SYT1: variants seen among roughly 807,000 people sequenced by gnomAD.
The protein encoded by SYT1 is synaptotagmin-1.
A neutral mutation model predicts 44.8 loss-of-function variants in SYT1; 8 were observed. That is an observed-to-expected ratio of 0.18 (90% confidence interval 0.10 to 0.32). SYT1 has a LOEUF of 0.32. Among genes scored for constraint, SYT1 ranks in the 10% least tolerant of loss-of-function variants. SYT1 has a pLI of 1.00. For missense variants in SYT1, 286 were observed against 509.3 expected (o/e 0.56, Z 4.22); for synonymous variants, 154 against 188.8 (o/e 0.82, Z 1.51).
In SYT1 at chr12:78,971,055, T is replaced by C. The variant is rs549072754; in HGVS notation, c.-216-6744T>C. Among the ~76,000 whole-genome samples the C allele has an allele frequency of 5.3e-5, 8 of 152,280 alleles. No individual in the cohort carries two copies. In the East Asian group the frequency reaches 1.5e-3, roughly 29 times the overall value. On this transcript the variant is annotated intron_variant, in intron 1 of 10. Coordinates refer to ENST00000261205, the MANE Select transcript of SYT1 (RefSeq NM_005639.3). ...GATGCATGCCTGTGATCCTAGCTAC[T>C]CAGGAGGCTGAGGCAGGAGAATTGC...
intron 4 of SYT1, among the ~76,000 whole-genome samples, chr12:79,276,686 C>CA (rs924659845): frequency 2.8e-5 from 4 of 145,170 alleles, no homozygotes; most frequent in South Asian, 2.2e-4. Context: ...AAAAAAAAAA[C>CA]AAAAAAACCA....
intron 1 of SYT1, among the ~76,000 whole-genome samples, chr12:78,956,354 A>C (rs117981762): frequency 6.6e-6 from 1 of 151,528 alleles, no homozygotes; most frequent in Non-Finnish European, 1.5e-5. Flanking sequence ...TTTTTTTTCC[A>C]TGATGGGCAA....
intron 2 of SYT1, among the ~76,000 whole-genome samples, chr12:79,015,075 A>G (rs1871714162): frequency 6.6e-6 from 1 of 150,598 alleles, no homozygotes; most frequent in Non-Finnish European, 1.5e-5. Context: ...GTGGGGGGAG[A>G]GGGGAGGGAT....
chr12:78,962,391 G>A (rs900915638), intron 1 of SYT1, among the ~76,000 whole-genome samples: 1 of 141,980 alleles, frequency 7.0e-6, no homozygotes, highest in East Asian at 2.1e-4. Context: ...CGTGGGTCAC[G>A]TACCTTTGCT....
At chr12:78,962,262 A>G (rs1160013952) in intron 1 of SYT1, among the ~76,000 whole-genome samples, 1 of 152,152 alleles carries the variant, frequency 6.6e-6, no homozygotes, top group Non-Finnish European at 1.5e-5. Flanking sequence ...ACAAACGTTA[A>G]ATAACTTAAT....
intron 3 of SYT1, among the ~76,000 whole-genome samples, chr12:79,068,376 A>G: frequency 6.6e-6 from 1 of 152,128 alleles, no homozygotes; most frequent in Non-Finnish European, 1.5e-5. Flanking sequence ...TAAATACTTG[A>G]AAACGGTATC....
intron 1 of SYT1, among the ~76,000 whole-genome samples, chr12:78,879,507 C>T (rs1223231868): frequency 1.3e-5 from 2 of 151,742 alleles, no homozygotes; most frequent in Non-Finnish European, 2.9e-5. Flanking sequence ...CATATGTAGT[C>T]CTTCCCTAGT....
At position 79,353,637 on chromosome 12, in the gene SYT1, ATTGATTTTTTT is replaced by A; in HGVS notation, c.928+19_928+29del. 6.3e-7 allele frequency: 1 copy of A among 1,591,936 alleles called. No individual in the cohort carries two copies. Among genetic ancestry groups the A allele is most frequent in the Non-Finnish European group, 8.6e-7 (1 of 1,160,006 alleles). On this transcript the variant is annotated intron_variant, in intron 9 of 10. Coordinates refer to ENST00000261205, the MANE Select transcript of SYT1 (RefSeq NM_005639.3). ...CTTATCCGGTAAGCCTGCAGTGTTT[ATTGATTTTTTT>A]CAAATGCTGTTTCGTCGTGGATACC...
intron 3 of SYT1, among the ~76,000 whole-genome samples, chr12:79,078,044 T>A (rs1876776202): frequency 6.6e-6 from 1 of 152,188 alleles, no homozygotes; most frequent in African/African-American, 2.4e-5. Flanking sequence ...TTTTGGTGTT[T>A]AAAACTTGTT....
chr12:79,334,454 A>G (rs1291848848), intron 8 of SYT1, among the ~76,000 whole-genome samples: 2 of 152,120 alleles, frequency 1.3e-5, no homozygotes, highest in African/African-American at 4.8e-5. Context: ...CCAAACTTGA[A>G]CGAGAATGGT....
At chr12:78,921,596 G>A (rs1468498305) in intron 1 of SYT1, among the ~76,000 whole-genome samples, 3 of 151,878 alleles carry the variant, frequency 2.0e-5, no homozygotes, top group South Asian at 2.1e-4. Flanking sequence ...CTAATGCTCA[G>A]GGTGGATAGA....
chr12:79,373,062 T>C (rs1227224601), intron 9 of SYT1, among the ~76,000 whole-genome samples: 1 of 152,216 alleles, frequency 6.6e-6, no homozygotes, highest in Non-Finnish European at 1.5e-5. Flanking sequence ...TCCAAAAATG[T>C]AGACTCTGAT....
chr12:79,363,944 C>T (rs1883430843), intron 9 of SYT1, among the ~76,000 whole-genome samples: 1 of 152,074 alleles, frequency 6.6e-6, no homozygotes, highest in Non-Finnish European at 1.5e-5. Flanking sequence ...TCTCAGAGCC[C>T]CTAGCATATA....
At chr12:78,885,346 A>G (rs564914115) in intron 1 of SYT1, among the ~76,000 whole-genome samples, 1 of 145,970 alleles carries the variant, frequency 6.9e-6, no homozygotes, top group Non-Finnish European at 1.5e-5. Context: ...GAAGAAAGGA[A>G]GGAAGGAACG....
chr12:79,447,431 C>G (rs1322162154), intron 10 of SYT1, among the ~76,000 whole-genome samples: 2 of 152,074 alleles, frequency 1.3e-5, no homozygotes, highest in Non-Finnish European at 2.9e-5. Context: ...AGAATGTAAG[C>G]CCTTCTCCCC....
intron 2 of SYT1, among the ~76,000 whole-genome samples, chr12:79,039,273 A>G (rs553057067): frequency 6.6e-6 from 1 of 152,200 alleles, no homozygotes; most frequent in East Asian, 1.9e-4. Flanking sequence ...TGTATATAAT[A>G]TTTTGTGAAA....
At chr12:79,258,322 A>G (rs1356532644) in intron 4 of SYT1, among the ~76,000 whole-genome samples, 1 of 152,196 alleles carries the variant, frequency 6.6e-6, no homozygotes, top group African/African-American at 2.4e-5. Context: ...AACAGTTCAA[A>G]GGAAAGAGAG....
intron 2 of SYT1, among the ~76,000 whole-genome samples, chr12:78,988,121 C>T (rs1437523061): frequency 2.0e-5 from 3 of 151,934 alleles, no homozygotes; most frequent in Non-Finnish European, 4.4e-5. Flanking sequence ...AATTCACTCA[C>T]TGAACAAATT....
intron 3 of SYT1, among the ~76,000 whole-genome samples, chr12:79,056,124 G>A (rs1464131962): frequency 6.6e-6 from 1 of 152,044 alleles, no homozygotes; most frequent in Non-Finnish European, 1.5e-5. Context: ...ATAAGTACAT[G>A]CTATGCTGTT....
Sources: gnomAD v4.1 joint callset for allele counts (sites outside exome capture counted in the v4.1 genomes callset) on GRCh38, gnomAD v4.1.1 for gene constraint, MANE v1.5 for transcripts, NCBI Gene and HGNC (gene_info 2026-07-23, HGNC 2026-07-21) for gene names.